The following CFAP61 variants were observed in gnomAD, a reference collection of about 807,000 sequenced individuals.
CFAP61 encodes the protein cilia- and flagella-associated protein 61.
A neutral mutation model predicts 135.6 loss-of-function variants in CFAP61; 107 were observed. The observed-to-expected ratio is 0.79, with a 90% CI of 0.67 to 0.93. The LOEUF is 0.93. Among genes scored for constraint, CFAP61 ranks in the 40% least tolerant of loss-of-function variants. CFAP61 has a pLI of 0.00. For missense variants in CFAP61, 1,507 were observed against 1,556.2 expected, an observed-to-expected ratio of 0.97 and a Z score of 0.53; for synonymous variants, 575 against 578.5, an observed-to-expected ratio of 0.99 and a Z score of 0.09.
chr20:20,149,926 G>A (rs1490300124), intron 9 of CFAP61, among the ~76,000 whole-genome samples: 7 of 152,184 alleles, frequency 4.6e-5, no homozygotes, highest in Non-Finnish European at 8.8e-5. Context: ...GAGATGAGGA[G>A]GGGCATGGCC....
intron 22 of CFAP61, among the ~76,000 whole-genome samples, chr20:20,285,295 A>G (rs1210277141): frequency 8.3e-6 from 1 of 120,856 alleles, no homozygotes; most frequent in East Asian, 2.2e-4. Flanking sequence ...TTTTGTTTTT[A>G]ATTTGTCTTG....
intron 8 of CFAP61, among the ~76,000 whole-genome samples, chr20:20,113,387 A>G (rs771865680): frequency 2.0e-5 from 3 of 152,202 alleles, no homozygotes; most frequent in Non-Finnish European, 4.4e-5. Flanking sequence ...GATATCTTTT[A>G]TCAATACAAA....
chr20:20,103,240 C>T (rs568847484), intron 8 of CFAP61, among the ~76,000 whole-genome samples: 40 of 152,236 alleles, frequency 2.6e-4, no homozygotes, highest in Non-Finnish European at 5.0e-4. Context: ...AAAAGTTTCC[C>T]TGAATCTAAA....
At chr20:20,345,765 A>G (rs1191569184) in intron 26 of CFAP61, among the ~76,000 whole-genome samples, 1 of 152,054 alleles carries the variant, frequency 6.6e-6, no homozygotes, top group East Asian at 1.9e-4. Context: ...TGCTAAAAAT[A>G]CAAAAAATTA....
At chr20:20,315,875 C>G (rs1261619952) in intron 25 of CFAP61, among the ~76,000 whole-genome samples, 4 of 152,270 alleles carry the variant, frequency 2.6e-5, no homozygotes, top group Admixed American at 2.0e-4. Flanking sequence ...TCTGAGGGCT[C>G]TGTTCTGTTC....
intron 6 of CFAP61, among the ~76,000 whole-genome samples, chr20:20,089,459 A>G (rs1252738298): frequency 1.3e-5 from 2 of 152,176 alleles, no homozygotes; most frequent in Non-Finnish European, 2.9e-5. Flanking sequence ...ATACTAGAAG[A>G]TAAAATGGGA....
intron 18 of CFAP61, among the ~76,000 whole-genome samples, chr20:20,243,446 C>CT (rs1490182501): frequency 1.4e-5 from 2 of 140,902 alleles, no homozygotes; most frequent in African/African-American, 2.6e-5. Flanking sequence ...TTTTTTTTTT[C>CT]TTTTTTTTGA....
rs936169243 is a variant in CFAP61, at chr20:20,101,658, C to T, written c.859+2844C>T. ...TTATTTTTTTGAGATGAAGGCCCCC[C>T]TCTGTCACCCAGGTTGGAGTACAGT... On this transcript the variant is annotated intron_variant, in intron 8 of 26. Transcript: ENST00000245957. Among the ~76,000 whole-genome samples the T allele has an allele frequency of 3.4e-4, 51 of 148,574 alleles. 1 individual carries two copies. The highest frequency in any genetic ancestry group is 2.4e-3 in the East Asian group (12 of 5,022).
At chr20:20,136,358 C>T (rs938531713) in intron 8 of CFAP61, among the ~76,000 whole-genome samples, 2 of 152,100 alleles carry the variant, frequency 1.3e-5, no homozygotes, top group Non-Finnish European at 2.9e-5. Flanking sequence ...TCTTTAAGGG[C>T]AATAACTCTT....
intron 17 of CFAP61, among the ~76,000 whole-genome samples, chr20:20,218,567 T>C (rs2146931030): frequency 6.6e-6 from 1 of 152,336 alleles, no homozygotes. Flanking sequence ...GCCAAATGAA[T>C]ACGTACTCTT....
chr20:20,170,542 G>C (rs1695642226), intron 13 of CFAP61, among the ~76,000 whole-genome samples: 1 of 152,076 alleles, frequency 6.6e-6, no homozygotes, highest in African/African-American at 2.4e-5. Flanking sequence ...ATGTTCTGAG[G>C]CTCATCAAAC....
chr20:20,064,994 T>C (rs987738303), intron 2 of CFAP61, among the ~76,000 whole-genome samples: 2 of 152,152 alleles, frequency 1.3e-5, no homozygotes, highest in African/African-American at 4.8e-5. Flanking sequence ...AAAAGACAGA[T>C]GGACCAGGAT....
At chr20:20,166,368 A>G in intron 11 of CFAP61, 29 bp from the exon 12 acceptor site, 4 of 1,605,320 alleles carry the variant, frequency 2.5e-6, no homozygotes, top group South Asian at 1.1e-5. Context: ...CTTGCAGGGC[A>G]CTGACAGTGC....
Position 20,142,881 on chromosome 20 carries a change from A to G in CFAP61, c.884A>G (p.Gln295Arg), listed in dbSNP as rs758896596. ...SQDAELRSSS[Q>R]GSQKIVEELQ... ...GATGCTGAGCTCAGGAGTAGCAGCCAAGGTTCCCAAAAAATAGTCGAGGAG... is the reference window on the plus strand; with the variant it reads ...GATGCTGAGCTCAGGAGTAGCAGCCGAGGTTCCCAAAAAATAGTCGAGGAG... Residue 295 changes from glutamine to arginine, a missense_variant, in exon 9 of 27, where the codon CAA (glutamine) becomes CGA (arginine). Gln to Arg is a conservative substitution (Grantham distance 43, BLOSUM62 1). Transcript: ENST00000245957. The G allele has an allele frequency of 3.2e-5, 51 of 1,605,326 alleles. No homozygotes were observed. Among genetic ancestry groups the G allele is most frequent in the Non-Finnish European group, 3.8e-5 (45 of 1,175,342 alleles).
intron 2 of CFAP61, among the ~76,000 whole-genome samples, chr20:20,065,810 C>T (rs541826917): frequency 6.6e-6 from 1 of 152,182 alleles, no homozygotes; most frequent in East Asian, 1.9e-4. Context: ...GTGCAAATAG[C>T]ACAGTGGCGA....
chr20:20,241,829 ATAAG>A (rs1190255706), intron 18 of CFAP61, among the ~76,000 whole-genome samples: 2 of 152,168 alleles, frequency 1.3e-5, no homozygotes, highest in Non-Finnish European at 2.9e-5. Flanking sequence ...ATGGTAATAA[ATAAG>A]AGACAAGTAA....
At chr20:20,289,885 T>C (rs559305170) in intron 23 of CFAP61, among the ~76,000 whole-genome samples, 23 of 152,370 alleles carry the variant, frequency 1.5e-4, no homozygotes, top group African/African-American at 5.3e-4. Context: ...AGAACTTTGT[T>C]GATAGTCCTA....
At chr20:20,303,794 C>T (rs995228728) in intron 25 of CFAP61, among the ~76,000 whole-genome samples, 8 of 152,162 alleles carry the variant, frequency 5.3e-5, no homozygotes, top group African/African-American at 1.9e-4. Flanking sequence ...CCTCAGTGCC[C>T]GCTGCTGCCG....
At chr20:20,353,448 C>T (rs967070652) in intron 26 of CFAP61, among the ~76,000 whole-genome samples, 1 of 152,056 alleles carries the variant, frequency 6.6e-6, no homozygotes, top group Non-Finnish European at 1.5e-5. Context: ...ACCTACCACC[C>T]GGAACTGAAA....
Sources: allele counts gnomAD v4.1 joint callset (sites outside exome capture counted in the v4.1 genomes callset), GRCh38; gene constraint gnomAD v4.1.1; transcripts MANE v1.5; gene names NCBI Gene and HGNC (gene_info 2026-07-23, HGNC 2026-07-21).